Variants in LRCH1 observed in about 807,000 individuals in gnomAD.
LRCH1 encodes the protein leucine-rich repeat and calponin homology domain-containing protein 1.
In LRCH1, 23 loss-of-function variants were observed where a neutral mutation model predicts 94.9. That is an observed-to-expected ratio of 0.24 (90% confidence interval 0.17 to 0.34). The LOEUF (loss-of-function observed/expected upper bound fraction) is 0.34, where lower values mean the gene tolerates loss of function less well. Ranked by LOEUF, LRCH1 falls within the 10% of genes least tolerant of loss-of-function variation. LRCH1 has a pLI of 1.00. For synonymous variants in LRCH1, 364 were observed against 354.9 expected (o/e 1.03, Z -0.29); for missense variants, 790 against 945.9 (o/e 0.84, Z 2.16).
chr13:46,749,907 A>T (rs569375503), intron 18 of LRCH1, among the ~76,000 whole-genome samples: 2 of 152,346 alleles, frequency 1.3e-5, no homozygotes, highest in South Asian at 4.1e-4. Flanking sequence ...ATTTCCCAAG[A>T]GCAAAAATGC....
intron 2 of LRCH1, among the ~76,000 whole-genome samples, chr13:46,655,560 T>G (rs547390165): frequency 6.6e-6 from 1 of 152,318 alleles, no homozygotes; most frequent in East Asian, 1.9e-4. Context: ...TAAAAATGAT[T>G]AAGCAAGATT....
At chr13:46,668,872 G>A (rs542735169) in intron 2 of LRCH1, among the ~76,000 whole-genome samples, 158 bp from the exon 3 acceptor site, 1 of 151,148 alleles carries the variant, frequency 6.6e-6, no homozygotes, top group East Asian at 1.9e-4. Context: ...TTACATACTT[G>A]TCATTTGAGT....
Position 46,734,002 on chromosome 13 carries a change from A to T in LRCH1, c.2085+4A>T, listed in dbSNP as rs1391131412. 1 of 1,541,042 alleles carries T rather than the reference A, an allele frequency of 6.5e-7. No individual in the cohort carries two copies. The highest frequency in any genetic ancestry group is 2.3e-5 in the East Asian group (1 of 44,116). ...CCGAAAATTAGGAGTACCAGAGGTA[A>T]CATCAAACTTACTTCATATAACTGT... On this transcript the variant is annotated splice_donor_region_variant and intron_variant, in intron 19 of 19. Transcript: ENST00000389797.
intron 1 of LRCH1, among the ~76,000 whole-genome samples, chr13:46,579,224 C>T (rs781594210): frequency 2.0e-5 from 3 of 152,102 alleles, no homozygotes; most frequent in Non-Finnish European, 2.9e-5. Context: ...TGATTACGGG[C>T]AGAAGGTTGC....
At chr13:46,625,574 C>T (rs1004667292) in intron 1 of LRCH1, among the ~76,000 whole-genome samples, 10 of 150,252 alleles carry the variant, frequency 6.7e-5, no homozygotes, top group Non-Finnish European at 1.5e-4. Flanking sequence ...TCCTTGAGCC[C>T]GGACTCCTTG....
intron 1 of LRCH1, among the ~76,000 whole-genome samples, chr13:46,562,468 C>T (rs927166420): frequency 6.6e-6 from 1 of 152,148 alleles, no homozygotes; most frequent in Non-Finnish European, 1.5e-5. Flanking sequence ...GTTGTCCCTT[C>T]CTGAGCCCAA....
chr13:46,718,375 TGAGGATATAA>T (rs1329774824), intron 16 of LRCH1, among the ~76,000 whole-genome samples: 1 of 152,198 alleles, frequency 6.6e-6, no homozygotes, highest in African/African-American at 2.4e-5. Context: ...ATGAAGAAAC[TGAGGATATAA>T]GAGGCTTTTT....
chr13:46,724,827 C>T (rs958533780), intron 17 of LRCH1, among the ~76,000 whole-genome samples: 2 of 152,154 alleles, frequency 1.3e-5, no homozygotes, highest in Non-Finnish European at 2.9e-5. Context: ...ACAGAACAAC[C>T]ATTCAACCCT....
intron 6 of LRCH1, among the ~76,000 whole-genome samples, chr13:46,688,712 C>G (rs1282602683): frequency 1.3e-5 from 2 of 152,074 alleles, no homozygotes; most frequent in African/African-American, 4.8e-5. Context: ...TGTACTTAAT[C>G]CCTGGATAAA....
intron 18 of LRCH1, among the ~76,000 whole-genome samples, chr13:46,729,920 C>A (rs891578652): frequency 6.6e-6 from 1 of 152,166 alleles, no homozygotes; most frequent in Admixed American, 6.5e-5. Context: ...GAATGAGACT[C>A]CTTAATGCGC....
intron 1 of LRCH1, among the ~76,000 whole-genome samples, chr13:46,614,064 A>G (rs9595500): frequency 0.043 from 6,568 of 151,768 alleles, 482 homozygotes; most frequent in African/African-American, 0.15. Flanking sequence ...TAGTGAAGTA[A>G]TTACTACAAT....
chr13:46,623,165 A>G (rs1458188348), intron 1 of LRCH1, among the ~76,000 whole-genome samples: 3 of 152,140 alleles, frequency 2.0e-5, no homozygotes, highest in African/African-American at 4.8e-5. Context: ...TAGATTCCAT[A>G]TGAGCTGGGG....
Position 46,650,345 on chromosome 13 carries a change from G to A in LRCH1, c.452G>A (p.Ser151Asn). The change falls in exon 2 of 20, where the codon AGT becomes AAT. Residue 151 changes from serine (S) to asparagine (N), a missense_variant and splice_region_variant. Around this residue, in one of 3 missense-constraint regions of LRCH1, gnomAD observed 194 missense variants for 293.5 expected, o/e 0.66. Coordinates refer to ENST00000389797, the MANE Select transcript of LRCH1 (RefSeq NM_001164211.2). ...CAGATGCTGACTTACCTGAACTTGA[G>A]GTAGGTTAAACATAAAAGTTGTAAT... Reference protein sequence around the residue: ...NLQMLTYLNLSRNQLSALPAC... With the variant: ...NLQMLTYLNLNRNQLSALPAC... The A allele has an allele frequency of 6.3e-7, 1 of 1,584,046 alleles. No individual in the cohort carries two copies. The highest frequency in any genetic ancestry group is 8.6e-7 in the Non-Finnish European group (1 of 1,165,614).
chr13:46,597,272 A>G (rs2050574571), intron 1 of LRCH1, among the ~76,000 whole-genome samples: 1 of 151,952 alleles, frequency 6.6e-6, no homozygotes, highest in South Asian at 2.1e-4. Flanking sequence ...ATTCAGTGCC[A>G]TGTCTTCTGC....
chr13:46,681,908 G>A (rs1165535991), intron 4 of LRCH1, 62 bp downstream of exon 4: 5 of 1,047,664 alleles, frequency 4.8e-6, no homozygotes, highest in Non-Finnish European at 5.7e-6. Context: ...TGTTTTGGGG[G>A]GTTTACTTTT....
chr13:46,604,903 C>T (rs560276527), intron 1 of LRCH1, among the ~76,000 whole-genome samples: 3 of 152,254 alleles, frequency 2.0e-5, no homozygotes, highest in South Asian at 2.1e-4. Context: ...ACTGGGGCAT[C>T]GGAGAATGTT....
intron 1 of LRCH1, among the ~76,000 whole-genome samples, chr13:46,565,719 G>A (rs2050175466): frequency 6.6e-6 from 1 of 151,728 alleles, no homozygotes; most frequent in Non-Finnish European, 1.5e-5. Flanking sequence ...GCTAGGGCAA[G>A]AGAATCGCTT....
intron 3 of LRCH1, among the ~76,000 whole-genome samples, chr13:46,674,519 T>G (rs774173506): frequency 6.6e-6 from 1 of 152,236 alleles, no homozygotes. Context: ...CAGATGGGAA[T>G]GATCTGAAAC....
rs1023827412 is a variant in LRCH1 at position 46,553,216 on chromosome 13, C to T, written c.-181C>T. The T allele has an allele frequency of 1.8e-6, 1 of 568,840 alleles. No individual in the cohort carries two copies. The highest frequency in any genetic ancestry group is 3.1e-6 in the Non-Finnish European group (1 of 323,592). The allele number at this position is 568,840 out of a possible 1,614,324, so 35.2% of individuals were successfully genotyped here. A position where few individuals can be genotyped will look rare whatever the true frequency, so the allele number is the denominator to read the frequency against. On this transcript the variant is annotated 5_prime_UTR_variant, in exon 1 of 20. Transcript: ENST00000389797. ...ACAGGAAACCTTCAAGACCGAGCTG[C>T]CACGGCCGCCTCCCCGCCCGCCCCC...
Sources: allele counts gnomAD v4.1 joint callset (sites outside exome capture counted in the v4.1 genomes callset), GRCh38; gene constraint gnomAD v4.1.1; regional missense constraint gnomAD v4.1.1; transcripts MANE v1.5; gene names NCBI Gene and HGNC (gene_info 2026-07-23, HGNC 2026-07-21).